ADAMTS3: variants seen among roughly 807,000 people sequenced by gnomAD.
ADAMTS3 encodes A disintegrin and metalloproteinase with thrombospondin motifs 3.
ADAMTS3 carries 73 observed loss-of-function variants against 129.0 expected under a neutral mutation model. The ratio of observed to expected loss-of-function variants is 0.57; its 90% CI spans 0.47 to 0.69. The LOEUF (loss-of-function observed/expected upper bound fraction) is 0.69. Ranked by LOEUF, ADAMTS3 falls within the 30% of genes least tolerant of loss-of-function variation. ADAMTS3 has a pLI of 0.00. For missense variants in ADAMTS3, 1,457 were observed against 1,514.5 expected, an observed-to-expected ratio of 0.96 and a Z score of 0.63; for synonymous variants, 477 against 510.8, an observed-to-expected ratio of 0.93 and a Z score of 0.89.
intron 3 of ADAMTS3, chr4:72,441,784 C>G (rs6813850): frequency 6.7e-6 from 1 of 149,780 alleles, no homozygotes; most frequent in Non-Finnish European, 1.5e-5. Context: ...ATATTCACAG[C>G]CTTTCCCCAC....
chr4:72,309,588 T>A (rs1719177328), intron 14 of ADAMTS3, 68 bp from the exon 15 acceptor site: 2 of 1,561,266 alleles, frequency 1.3e-6, no homozygotes, highest in Non-Finnish European at 1.7e-6. Flanking sequence ...TCCCAGAGAA[T>A]GATGAACCCT....
At chr4:72,297,755 T>C (rs147603181) in intron 18 of ADAMTS3, among the ~76,000 whole-genome samples, 1 of 152,264 alleles carries the variant, frequency 6.6e-6, no homozygotes, top group East Asian at 1.9e-4. Flanking sequence ...GCTACCACTT[T>C]AACAGAGATA....
chr4:72,490,333 T>C (rs1233524798), intron 3 of ADAMTS3, among the ~76,000 whole-genome samples: 1 of 152,030 alleles, frequency 6.6e-6, no homozygotes, highest in Non-Finnish European at 1.5e-5. Flanking sequence ...TTTATTTCTA[T>C]GCAAATGCTT....
chr4:72,491,873 T>A (rs1216165329), intron 3 of ADAMTS3, among the ~76,000 whole-genome samples: 1 of 151,790 alleles, frequency 6.6e-6, no homozygotes, highest in African/African-American at 2.4e-5. Context: ...AAAATTCACC[T>A]ATGAAGCCAT....
chr4:72,539,929 A>G (rs981518651), intron 3 of ADAMTS3, among the ~76,000 whole-genome samples: 1 of 152,190 alleles, frequency 6.6e-6, no homozygotes, highest in Non-Finnish European at 1.5e-5. Flanking sequence ...AGTCTCAGAT[A>G]CATCTGTATC....
chr4:72,373,875 CTG>C (rs1257734633), intron 4 of ADAMTS3, among the ~76,000 whole-genome samples: 15 of 150,734 alleles, frequency 1.0e-4, no homozygotes, highest in African/African-American at 3.4e-4. Context: ...ACTCTAGACT[CTG>C]TGTCAGCAAG....
At chr4:72,475,331 T>C (rs1719200493) in intron 3 of ADAMTS3, among the ~76,000 whole-genome samples, 1 of 151,952 alleles carries the variant, frequency 6.6e-6, no homozygotes, top group Non-Finnish European at 1.5e-5. Context: ...ATAATGCACA[T>C]ATCATTCAAA....
At chr4:72,471,937 G>T (rs1719085241) in intron 3 of ADAMTS3, among the ~76,000 whole-genome samples, 1 of 152,004 alleles carries the variant, frequency 6.6e-6, no homozygotes, top group South Asian at 2.1e-4. Context: ...ACTACTACCT[G>T]AAAGAAACCA....
At chr4:72,457,927 T>C (rs1718667232) in intron 3 of ADAMTS3, among the ~76,000 whole-genome samples, 1 of 151,614 alleles carries the variant, frequency 6.6e-6, no homozygotes. Context: ...TTGCTGTGAC[T>C]CATCTTTGGA....
chr4:72,568,399 G>C (rs938941), intron 1 of ADAMTS3, among the ~76,000 whole-genome samples: 44,784 of 152,010 alleles, frequency 0.29, 7,196 homozygotes, highest in East Asian at 0.45. Context: ...GCGAGGATGG[G>C]AACTGGCTGC....
intron 4 of ADAMTS3, among the ~76,000 whole-genome samples, chr4:72,391,429 A>C (rs1190808879): frequency 6.6e-6 from 1 of 152,188 alleles, no homozygotes; most frequent in Non-Finnish European, 1.5e-5. Context: ...AAAGCTTAGC[A>C]GTCCAGGCAC....
chr4:72,303,557 T>G (rs1229641475), intron 17 of ADAMTS3, among the ~76,000 whole-genome samples: 2 of 151,886 alleles, frequency 1.3e-5, no homozygotes, highest in African/African-American at 4.8e-5. Context: ...ATCTTTATAT[T>G]GAAGGTAAAT....
At chr4:72,415,956 T>C (rs1311214588) in intron 3 of ADAMTS3, among the ~76,000 whole-genome samples, 2 of 151,640 alleles carry the variant, frequency 1.3e-5, no homozygotes, top group Admixed American at 1.3e-4. Context: ...ATTTTGGAAA[T>C]ATATATCAGA....
At chr4:72,529,688 AAAT>A (rs1468784732) in intron 3 of ADAMTS3, among the ~76,000 whole-genome samples, 1 of 124,300 alleles carries the variant, frequency 8.0e-6, no homozygotes, top group Non-Finnish European at 1.6e-5. Flanking sequence ...TTTATATATT[AAAT>A]AATATATATT....
chr4:72,283,767 A>C (rs182636773), intron 21 of ADAMTS3, 63 bp from the exon 22 acceptor site: 16 of 1,400,700 alleles, frequency 1.1e-5, no homozygotes, highest in Admixed American at 9.6e-5. Context: ...AAGGAGGAAA[A>C]AAATTAAAAT....
chr4:72,379,985 C>A (rs897036211), intron 4 of ADAMTS3, among the ~76,000 whole-genome samples: 2 of 152,050 alleles, frequency 1.3e-5, no homozygotes, highest in African/African-American at 2.4e-5. Context: ...CATTCTGTAT[C>A]ATTTAGGGTT....
At chr4:72,534,019 A>T (rs1721121773) in intron 3 of ADAMTS3, among the ~76,000 whole-genome samples, 1 of 152,208 alleles carries the variant, frequency 6.6e-6, no homozygotes, top group Admixed American at 6.5e-5. Context: ...ACAAATTTAG[A>T]TATTGTCATA....
intron 4 of ADAMTS3, among the ~76,000 whole-genome samples, chr4:72,340,755 C>A (rs1358723039): frequency 1.3e-5 from 2 of 151,864 alleles, no homozygotes; most frequent in Admixed American, 6.6e-5. Flanking sequence ...TTTCAGATGA[C>A]TATATTTTTT....
intron 4 of ADAMTS3, among the ~76,000 whole-genome samples, chr4:72,357,231 G>C (rs1018340007): frequency 6.6e-6 from 1 of 151,878 alleles, no homozygotes; most frequent in African/African-American, 2.4e-5. Context: ...GTTGAAATAT[G>C]TGAATACCCT....
Sources: gnomAD v4.1 joint callset for allele counts (sites outside exome capture counted in the v4.1 genomes callset) on GRCh38, gnomAD v4.1.1 for gene constraint, MANE v1.5 for transcripts, NCBI Gene and HGNC (gene_info 2026-07-23, HGNC 2026-07-21) for gene names.